Variants in LRTM1 observed in about 807,000 individuals in gnomAD.
LRTM1 encodes leucine-rich repeat and transmembrane domain-containing protein 1.
In LRTM1, 38 loss-of-function variants were observed where a neutral mutation model predicts 32.4. The ratio of observed to expected loss-of-function variants is 1.17; its 90% CI spans 0.91 to 1.54. The LOEUF is 1.54. LRTM1 is among the 40% of genes most tolerant of loss of function. LRTM1 has a pLI of 0.00. For missense variants in LRTM1, 466 were observed against 415.4 expected (o/e 1.12, Z -1.06); for synonymous variants, 186 against 169.9 (o/e 1.09, Z -0.74).
intron 1 of LRTM1, among the ~76,000 whole-genome samples, chr3:54,950,825 CAT>C (rs1240942121): frequency 5.3e-5 from 8 of 152,110 alleles, no homozygotes; most frequent in African/African-American, 1.4e-4. Flanking sequence ...AGCATGGTGA[CAT>C]GTGAGGTTTG....
chr3:54,933,368 G>C (rs141702329), intron 1 of LRTM1, among the ~76,000 whole-genome samples: 1 of 152,268 alleles, frequency 6.6e-6, no homozygotes, highest in African/African-American at 2.4e-5. Flanking sequence ...ACAGGGGCCT[G>C]GGCTCCATGG....
chr3:54,930,480 A>G (rs549125068), upstream of LRTM1, among the ~76,000 whole-genome samples: 2 of 152,342 alleles, frequency 1.3e-5, no homozygotes, highest in African/African-American at 2.4e-5. Context: ...AGCTGTGTCT[A>G]TAAGGCCCAG....
At position 54,940,656 on chromosome 3, in the gene LRTM1, G is replaced by A. The variant is rs914542713; in HGVS notation, c.-221-15441C>T. 6.6e-5 allele frequency among the ~76,000 whole-genome samples: 10 copies of A among 151,298 alleles called. 1 individual carries two copies. Among genetic ancestry groups the A allele is most frequent in the African/African-American group, 2.5e-4 (10 of 40,614 alleles). ...CATCACTAGTTTTCTGGGTGTGAAT[G>A]CCTAAAAGGACCAAAAAGAAGCAAA... On this transcript the variant is annotated intron_variant, in intron 1 of 2. Transcript: ENST00000493075.
At chr3:54,942,280 C>T (rs1244849982) in intron 1 of LRTM1, among the ~76,000 whole-genome samples, 2 of 152,196 alleles carry the variant, frequency 1.3e-5, no homozygotes, top group Non-Finnish European at 2.9e-5. Context: ...TCTGAACAGG[C>T]AGTCAGTCAA....
chr3:54,951,076 C>G (rs1426527764), intron 1 of LRTM1, among the ~76,000 whole-genome samples: 1 of 152,166 alleles, frequency 6.6e-6, no homozygotes, highest in African/African-American at 2.4e-5. Flanking sequence ...CTATATGCTG[C>G]CAAAAAAATC....
upstream of LRTM1, among the ~76,000 whole-genome samples, chr3:54,932,063 T>A (rs1701203248): frequency 6.6e-6 from 1 of 151,998 alleles, no homozygotes; most frequent in South Asian, 2.1e-4. Context: ...GCGCCTATAG[T>A]CTGAGCTACT....
chr3:54,933,468 T>TA (rs927353009), intron 1 of LRTM1, among the ~76,000 whole-genome samples: 33 of 152,284 alleles, frequency 2.2e-4, no homozygotes, highest in African/African-American at 7.7e-4. Flanking sequence ...AAAAGGTACT[T>TA]ACCACTTCTG....
chr3:54,952,168 C>T (rs938924353), intron 1 of LRTM1, among the ~76,000 whole-genome samples: 1 of 152,180 alleles, frequency 6.6e-6, no homozygotes, highest in African/African-American at 2.4e-5. Context: ...TTATAAACTG[C>T]CTCCTGCACC....
Position 54,925,191 on chromosome 3 carries a change from A to C in LRTM1, c.32T>G (p.Val11Gly). The C allele has an allele frequency of 5.0e-6, 8 of 1,612,454 alleles. No homozygotes were observed. The highest frequency in any genetic ancestry group is 6.8e-6 in the Non-Finnish European group (8 of 1,178,672). The change falls in exon 2 of 3, where the codon GTG becomes GGG. Residue 11 changes from valine to glycine, a missense_variant. Val to Gly is a moderately radical substitution (Grantham distance 109). Transcript: ENST00000273286. ...GCATACCACCTGGAGCAGGACAATC[A>C]CACTGGAAAACAGGAGCAGTTCACC... is the stretch of plus-strand genomic sequence containing the variant. MKGELLLFSSVIVLLQVVCSC... is the reference protein window; with the variant it reads MKGELLLFSSGIVLLQVVCSC...
At chr3:54,961,388 GA>G (rs1702026599) in intron 1 of LRTM1, among the ~76,000 whole-genome samples, 2 of 152,210 alleles carry the variant, frequency 1.3e-5, no homozygotes. Flanking sequence ...CCTAAGAGAT[GA>G]AATATATGGG....
intron 1 of LRTM1, among the ~76,000 whole-genome samples, chr3:54,933,760 CTT>C (rs34842038): frequency 0.59 from 83,529 of 140,914 alleles, 24,399 homozygotes; most frequent in East Asian, 0.75. Context: ...ATTACTATTA[CTT>C]TTTTTTTTTT....
intron 1 of LRTM1, among the ~76,000 whole-genome samples, chr3:54,933,742 A>G (rs1350339832): frequency 6.7e-6 from 1 of 149,610 alleles, no homozygotes; most frequent in African/African-American, 2.5e-5. Flanking sequence ...TATTGAATGA[A>G]TAAAGATATT....
rs527859016 is a variant in LRTM1, at chr3:54,937,769, C to G, written c.-221-12554G>C. 2.0e-5 allele frequency among the ~76,000 whole-genome samples: 3 copies of G among 152,024 alleles called. No individual in the cohort carries two copies. The South Asian group carries it at 6.3e-4, about 32-fold the overall frequency. ...CCAGGTAAAGGCATGGCATGTGTTA[C>G]GCTGAGAGGCCAGTGAGATGGCACA... On this transcript the variant is annotated intron_variant, in intron 1 of 2. Coordinates refer to the LRTM1 transcript ENST00000493075.
At chr3:54,931,245 T>C (rs1461887055), upstream of LRTM1, among the ~76,000 whole-genome samples, 1 of 152,182 alleles carries the variant, frequency 6.6e-6, no homozygotes, top group Non-Finnish European at 1.5e-5. Flanking sequence ...TGGCAACATC[T>C]GCTTACTGCC....
chr3:54,949,824 T>G (rs556856881), intron 1 of LRTM1, among the ~76,000 whole-genome samples: 5 of 152,348 alleles, frequency 3.3e-5, no homozygotes, highest in African/African-American at 1.2e-4. Context: ...TGATTCTTTC[T>G]GAAAACTGGG....
At chr3:54,924,479 C>G (rs1357149857) in intron 2 of LRTM1, 140 bp downstream of exon 2, 7 of 674,236 alleles carry the variant, frequency 1.0e-5, no homozygotes, top group African/African-American at 1.8e-5. Flanking sequence ...TTTTGCCATA[C>G]CGTGAAATGG....
intron 1 of LRTM1, among the ~76,000 whole-genome samples, chr3:54,944,855 C>A (rs1248766873): frequency 6.6e-6 from 1 of 151,728 alleles, no homozygotes. Context: ...GCTGTCTCTG[C>A]TGTAACACTA....
intron 1 of LRTM1, among the ~76,000 whole-genome samples, chr3:54,927,075 A>C (rs992816957): frequency 6.6e-6 from 1 of 152,244 alleles, no homozygotes; most frequent in South Asian, 2.1e-4. Context: ...AACTCAAAAT[A>C]GTTATCTACT....
chr3:54,937,247 G>A (rs1330615909), intron 1 of LRTM1, among the ~76,000 whole-genome samples: 1 of 152,154 alleles, frequency 6.6e-6, no homozygotes, highest in African/African-American at 2.4e-5. Context: ...TCTGTGTTTG[G>A]GAATGTCATA....
Sources: allele counts gnomAD v4.1 joint callset (sites outside exome capture counted in the v4.1 genomes callset), GRCh38; gene constraint gnomAD v4.1.1; transcripts MANE v1.5; gene names NCBI Gene and HGNC (gene_info 2026-07-23, HGNC 2026-07-21).